Variants in TRAF3 observed in about 807,000 individuals in gnomAD.
TRAF3 encodes the protein TNF receptor-associated factor 3.
A neutral mutation model predicts 62.3 loss-of-function variants in TRAF3; 13 were observed. The observed-to-expected ratio is 0.21, with a 90% CI of 0.14 to 0.33. The LOEUF (loss-of-function observed/expected upper bound fraction) is 0.33, where lower values mean the gene tolerates loss of function less well. Among genes scored for constraint, TRAF3 ranks in the 10% least tolerant of loss-of-function variants. The pLI is 1.00. For missense variants in TRAF3, 440 were observed against 741.8 expected, an observed-to-expected ratio of 0.59 and a Z score of 4.73; for synonymous variants, 269 against 283.4, an observed-to-expected ratio of 0.95 and a Z score of 0.51.
At chr14:102,895,108 G>T (rs748675143) in intron 9 of TRAF3, 1 of 455,876 alleles carries the variant, frequency 2.2e-6, no homozygotes, top group Admixed American at 2.4e-5. Context: ...ATTCTGTCCC[G>T]TCTTTGACAG....
chr14:102,784,929 A>G (rs1054445805), intron 1 of TRAF3, among the ~76,000 whole-genome samples: 78 of 152,106 alleles, frequency 5.1e-4, no homozygotes, highest in African/African-American at 1.8e-3. Flanking sequence ...CCTTCAGGGG[A>G]GAGGGTACAG....
intron 1 of TRAF3, among the ~76,000 whole-genome samples, chr14:102,794,540 A>G (rs150705949): frequency 1.2e-3 from 180 of 152,308 alleles, no homozygotes; most frequent in African/African-American, 3.7e-3. Context: ...TATTCCTGCC[A>G]TGTTCTAAAA....
At chr14:102,783,099 G>T (rs1049582135) in intron 1 of TRAF3, among the ~76,000 whole-genome samples, 2 of 152,198 alleles carry the variant, frequency 1.3e-5, no homozygotes, top group Non-Finnish European at 2.9e-5. Flanking sequence ...CAAGGGCCAG[G>T]CACATGGTAA....
In TRAF3 at chr14:102,886,278, G is replaced by A. The variant is rs766877688; in HGVS notation, c.651+9G>A. 17 of 1,599,532 alleles carry A rather than the reference G, an allele frequency of 1.1e-5. No individual in the cohort carries two copies. The East Asian group carries it at 2.9e-4, about 28-fold the overall frequency. On this transcript the variant is annotated intron_variant, in intron 7 of 11. Coordinates refer to ENST00000392745, the MANE Select transcript of TRAF3 (RefSeq NM_145725.3). ...CTCTCCTGAGGAGCGAGGTAGGGGC[G>A]GCCGGGCCCGGCCGGGAGTCTGTGG...
At chr14:102,882,944 A>G (rs140264140) in intron 6 of TRAF3, among the ~76,000 whole-genome samples, 2 of 152,350 alleles carry the variant, frequency 1.3e-5, no homozygotes, top group African/African-American at 4.8e-5. Context: ...TTCTTTAAAC[A>G]GCTCTGTTAA....
At position 102,870,276 on chromosome 14, in the gene TRAF3, C is replaced by T. The variant is rs1051749; in HGVS notation, c.75C>T (p.Arg25=). 1 of 1,614,216 alleles carries T rather than the reference C, an allele frequency of 6.2e-7. No homozygotes were observed. Among genetic ancestry groups the T allele is most frequent in the Non-Finnish European group, 8.5e-7 (1 of 1,180,036 alleles). ...CGCCGCTAAAGCTGCACACTGACCG[C>T]AGTGCTGGGACGCCAGTTTTTGTCC... is the stretch of plus-strand genomic sequence containing the variant. ...TNPPLKLHTD[R]SAGTPVFVPE... Residue 25 remains arginine, a synonymous_variant, in exon 3 of 12, where the codon CGC becomes CGT. Coordinates refer to ENST00000392745, the MANE Select transcript of TRAF3 (RefSeq NM_145725.3).
chr14:102,807,355 C>T (rs1898835124), intron 1 of TRAF3, among the ~76,000 whole-genome samples: 1 of 152,194 alleles, frequency 6.6e-6, no homozygotes, highest in Non-Finnish European at 1.5e-5. Flanking sequence ...TCTCCAGGGG[C>T]CTGGGGCCTC....
At chr14:102,891,537 CA>C (rs995165866) in intron 9 of TRAF3, 120 bp downstream of exon 9, 92 of 1,081,840 alleles carry the variant, frequency 8.5e-5, no homozygotes, top group East Asian at 1.3e-4. Context: ...AAGAGAATGT[CA>C]AAAAAAACTC....
chr14:102,909,146 G>A lies in TRAF3; in HGVS notation c.*3362G>A, dbSNP rs937114388. 1.3e-5 allele frequency: 2 copies of A among 152,298 alleles called. No homozygotes were observed. Among genetic ancestry groups the A allele is most frequent in the Non-Finnish European group, 2.9e-5 (2 of 68,088 alleles). The allele number at this position is 152,298 out of a possible 1,614,324, so 9.4% of individuals were successfully genotyped here. On this transcript the variant is annotated 3_prime_UTR_variant, in exon 12 of 12. Transcript: ENST00000392745. ...ATGCCAGCCCCAGCTGGGCTGGAGG[G>A]AGCCTGAGTGAGCCCCGACATACGC...
chr14:102,855,859 G>A (rs1887334089), intron 2 of TRAF3, among the ~76,000 whole-genome samples: 1 of 151,700 alleles, frequency 6.6e-6, no homozygotes, highest in Admixed American at 6.6e-5. Flanking sequence ...TGGGAGGCCA[G>A]GGTGGGAGGA....
intron 2 of TRAF3, among the ~76,000 whole-genome samples, chr14:102,848,722 T>G (rs1011507402): frequency 5.9e-5 from 9 of 152,192 alleles, no homozygotes; most frequent in African/African-American, 2.2e-4. Context: ...TCCCCATCCC[T>G]TTTTTCCTTG....
At chr14:102,816,592 G>T (rs1899538323) in intron 1 of TRAF3, among the ~76,000 whole-genome samples, 2 of 152,194 alleles carry the variant, frequency 1.3e-5, no homozygotes, top group South Asian at 2.1e-4. Flanking sequence ...GCTGCTAGGA[G>T]ATTTAAAATT....
At chr14:102,820,616 T>TATATA (rs1899913065) in intron 1 of TRAF3, among the ~76,000 whole-genome samples, 1 of 21,650 alleles carries the variant, frequency 4.6e-5, no homozygotes, top group African/African-American at 3.9e-4. Flanking sequence ...ATATATATAT[T>TATATA]TTTTTTTTTT....
rs1395531279 is a variant in TRAF3 at position 102,906,100 on chromosome 14, AT to A, written c.*317del. 1 of 243,874 alleles carries A rather than the reference AT, an allele frequency of 4.1e-6. No individual in the cohort carries two copies. 15.1% of individuals were successfully genotyped at this position (243,874 alleles called of 1,614,324 possible). A position where few individuals can be genotyped will look rare whatever the true frequency, so the allele number is the denominator to read the frequency against. ...AACATATATGCTAAACAAAAGAAAC[AT>A]GATTTTTCTTCCTTAAACTTGAACA... On this transcript the variant is annotated 3_prime_UTR_variant, in exon 12 of 12. Coordinates refer to ENST00000392745, the MANE Select transcript of TRAF3 (RefSeq NM_145725.3).
intron 1 of TRAF3, among the ~76,000 whole-genome samples, chr14:102,822,749 T>TA (rs1165694998): frequency 1.3e-5 from 2 of 152,212 alleles, no homozygotes; most frequent in Admixed American, 1.3e-4. Flanking sequence ...CTTATGCCTG[T>TA]AATCCCAGCA....
chr14:102,885,077 C>CT (rs1166480191), intron 6 of TRAF3, among the ~76,000 whole-genome samples: 1 of 152,218 alleles, frequency 6.6e-6, no homozygotes, highest in Non-Finnish European at 1.5e-5. Flanking sequence ...CTCAGCCTCC[C>CT]TGCCCTGAGC....
chr14:102,830,816 G>T (rs1217871267), intron 2 of TRAF3, among the ~76,000 whole-genome samples: 1 of 152,202 alleles, frequency 6.6e-6, no homozygotes, highest in African/African-American at 2.4e-5. Context: ...GCAGTGCCCA[G>T]CAGTTACCCA....
At chr14:102,804,742 A>T (rs939214740) in intron 1 of TRAF3, among the ~76,000 whole-genome samples, 4 of 152,164 alleles carry the variant, frequency 2.6e-5, no homozygotes, top group Non-Finnish European at 5.9e-5. Flanking sequence ...CTGCCCCAGC[A>T]TCCCAAAGTG....
At chr14:102,891,948 A>T (rs1332901659) in intron 9 of TRAF3, among the ~76,000 whole-genome samples, 2 of 151,732 alleles carry the variant, frequency 1.3e-5, no homozygotes, top group Non-Finnish European at 2.9e-5. Flanking sequence ...AAAATATTTG[A>T]TATGATTACA....
Sources: allele counts gnomAD v4.1 joint callset (sites outside exome capture counted in the v4.1 genomes callset), GRCh38; gene constraint gnomAD v4.1.1; transcripts MANE v1.5; gene names NCBI Gene and HGNC (gene_info 2026-07-23, HGNC 2026-07-21).